Variants in TSPAN9 observed in about 807,000 individuals in gnomAD.
TSPAN9 encodes the protein tetraspanin 9.
TSPAN9 carries 16 observed loss-of-function variants against 31.0 expected under a neutral mutation model. The ratio of observed to expected loss-of-function variants is 0.52; its 90% CI spans 0.35 to 0.78. TSPAN9 has a LOEUF of 0.78. TSPAN9 is among the 30% of genes least tolerant of loss of function. The pLI is 0.01. For missense variants in TSPAN9, 272 were observed against 312.5 expected, an observed-to-expected ratio of 0.87 and a Z score of 0.98; for synonymous variants, 145 against 121.6, an observed-to-expected ratio of 1.19 and a Z score of -1.27.
chr12:3,148,578 G>T (rs1264818062), intron 2 of TSPAN9, among the ~76,000 whole-genome samples: 1 of 152,226 alleles, frequency 6.6e-6, no homozygotes, highest in Admixed American at 6.5e-5. Context: ...CTGCTCCAGG[G>T]CCTAGAGCGT....
chr12:3,147,570 C>T lies in TSPAN9; in HGVS notation c.-17-53607C>T, dbSNP rs1472606384. ...CTGCCCCCGAAGAGAGAGAACCAGC[C>T]AGCCCAGTGCTGCAACGATGGAAGT... On this transcript the variant is annotated intron_variant, in intron 2 of 8. Transcript: ENST00000011898. This position sits in a 1 kb window ranked among gnomAD's most constrained non-coding sequence, Gnocchi z 4.3. Among the ~76,000 whole-genome samples, 1 of 152,192 alleles carries T rather than the reference C, an allele frequency of 6.6e-6. No homozygotes were observed. The highest frequency in any genetic ancestry group is 1.5e-5 in the Non-Finnish European group (1 of 68,038).
intron 2 of TSPAN9, among the ~76,000 whole-genome samples, chr12:3,145,478 G>A (rs1192570139): frequency 2.0e-5 from 3 of 152,160 alleles, no homozygotes; most frequent in Non-Finnish European, 2.9e-5. Context: ...TTTGATACCC[G>A]TGGGCAGAGG....
chr12:3,108,961 A>G (rs1464337603), intron 2 of TSPAN9, among the ~76,000 whole-genome samples: 22 of 151,072 alleles, frequency 1.5e-4, no homozygotes, highest in African/African-American at 2.9e-4. Context: ...TTTTTGAGAC[A>G]GAGTCTCGCT....
intron 2 of TSPAN9, among the ~76,000 whole-genome samples, chr12:3,166,253 A>G (rs536029642): frequency 1.1e-4 from 16 of 152,354 alleles, no homozygotes; most frequent in African/African-American, 3.6e-4. Context: ...AGACATTTAT[A>G]TTTTAATTTG....
chr12:3,279,787 G>A (rs975120025), intron 5 of TSPAN9, among the ~76,000 whole-genome samples: 1 of 152,228 alleles, frequency 6.6e-6, no homozygotes, highest in Admixed American at 6.5e-5. Flanking sequence ...TTTTGCACTC[G>A]TGAAAAGGAA....
intron 2 of TSPAN9, among the ~76,000 whole-genome samples, chr12:3,152,338 C>A (rs1458798209): frequency 6.6e-6 from 1 of 152,224 alleles, no homozygotes; most frequent in Non-Finnish European, 1.5e-5. Context: ...GGCCTGATGC[C>A]AGGGTGGGCT....
At chr12:3,201,036 C>T (rs1383619101) in intron 2 of TSPAN9, 141 bp from the exon 3 acceptor site, 11 of 715,018 alleles carry the variant, frequency 1.5e-5, no homozygotes, top group Middle Eastern at 8.1e-4. Flanking sequence ...CGCGGCTTCA[C>T]GGCCGGCGCC....
At chr12:3,215,340 C>T (rs1173682141) in intron 3 of TSPAN9, 1 of 152,214 alleles carries the variant, frequency 6.6e-6, no homozygotes, top group Non-Finnish European at 1.5e-5. Context: ...GGATCTTTGA[C>T]TTCAGCTTCT....
chr12:3,120,851 G>C (rs1047065708), intron 2 of TSPAN9, among the ~76,000 whole-genome samples: 1 of 152,266 alleles, frequency 6.6e-6, no homozygotes, highest in Non-Finnish European at 1.5e-5. Flanking sequence ...CACTTCCCTT[G>C]GGGGAGCTAC....
At chr12:3,176,033 A>G (rs2098355353) in intron 2 of TSPAN9, among the ~76,000 whole-genome samples, 1 of 152,154 alleles carries the variant, frequency 6.6e-6, no homozygotes, top group African/African-American at 2.4e-5. Context: ...AGCCACGGGA[A>G]TGAGATTCGT....
At chr12:3,272,241 A>G (rs1465875020) in intron 3 of TSPAN9, among the ~76,000 whole-genome samples, 2 of 152,234 alleles carry the variant, frequency 1.3e-5, no homozygotes, top group East Asian at 1.9e-4. Context: ...GGTGGGAGCA[A>G]CCTGAGGGCA....
intron 3 of TSPAN9, among the ~76,000 whole-genome samples, chr12:3,228,422 C>T (rs1216860637): frequency 6.6e-6 from 1 of 152,238 alleles, no homozygotes; most frequent in Non-Finnish European, 1.5e-5. Context: ...CCATTTCACG[C>T]ATGAGGATAC....
chr12:3,201,298 C>T, intron 3 of TSPAN9, 42 bp downstream of exon 3: 1 of 1,584,566 alleles, frequency 6.3e-7, no homozygotes, highest in Non-Finnish European at 8.7e-7. Flanking sequence ...CTCTTCTCCT[C>T]CTCTTGGCTT....
chr12:3,159,050 C>T (rs1488835412), intron 2 of TSPAN9, among the ~76,000 whole-genome samples: 1 of 151,954 alleles, frequency 6.6e-6, no homozygotes. Context: ...GTCTGCGCTC[C>T]CCACCCCCTG....
intron 3 of TSPAN9, among the ~76,000 whole-genome samples, chr12:3,244,901 C>T (rs2098398664): frequency 6.6e-6 from 1 of 152,188 alleles, no homozygotes; most frequent in African/African-American, 2.4e-5. Flanking sequence ...AGCCTCATCT[C>T]TCAGCATCCA....
intron 3 of TSPAN9, among the ~76,000 whole-genome samples, chr12:3,258,974 A>G (rs1862401078): frequency 1.3e-5 from 2 of 152,100 alleles, no homozygotes; most frequent in Admixed American, 1.3e-4. Context: ...ACACCTGTGG[A>G]GCTAGAGGTT....
intron 3 of TSPAN9, among the ~76,000 whole-genome samples, chr12:3,231,484 A>G (rs2098390747): frequency 6.6e-6 from 1 of 152,154 alleles, no homozygotes; most frequent in African/African-American, 2.4e-5. Flanking sequence ...CTACGGAGAG[A>G]TGCCGTCGGC....
intron 2 of TSPAN9, among the ~76,000 whole-genome samples, chr12:3,188,987 G>A (rs757962043): frequency 1.3e-5 from 2 of 152,190 alleles, no homozygotes; most frequent in Non-Finnish European, 2.9e-5. Context: ...ATGGGGCTGC[G>A]CTGGTTGCCG....
intron 3 of TSPAN9, among the ~76,000 whole-genome samples, chr12:3,232,026 C>T (rs535488634): frequency 2.0e-5 from 3 of 152,318 alleles, no homozygotes; most frequent in South Asian, 2.1e-4. Flanking sequence ...GTAGGGCCTT[C>T]ACCACGGGCC....
Sources: gnomAD v4.1 joint callset for allele counts (sites outside exome capture counted in the v4.1 genomes callset) on GRCh38, gnomAD v4.1.1 for gene constraint, Gnocchi (gnomAD v3.1) non-coding constraint, MANE v1.5 for transcripts, NCBI Gene and HGNC (gene_info 2026-07-23, HGNC 2026-07-21) for gene names.